Variants in BLTP1 observed in about 807,000 individuals in gnomAD.
BLTP1 encodes bridge-like lipid transfer protein family member 1, also known as fragile site-associated protein.
At chr4:122,362,012 AC>A in the BLTP1 span, 1 of 1,561,050 alleles carries the variant, frequency 6.4e-7, no homozygotes, top group Non-Finnish European at 8.8e-7. Flanking sequence ...CTTAATAATA[AC>A]TGTAATTTTT....
the BLTP1 span, chr4:122,247,916 G>A: frequency 2.0e-6 from 2 of 980,872 alleles, no homozygotes; most frequent in Non-Finnish European, 2.4e-6. Context: ...TTTTCAGAAT[G>A]TCAGAGATTC....
At chr4:122,302,226 G>A in the BLTP1 span, 7 of 970,610 alleles carry the variant, frequency 7.2e-6, no homozygotes, top group Non-Finnish European at 8.6e-6. Flanking sequence ...AACATAATGG[G>A]AAAAAATTGC....
the BLTP1 span, among the ~76,000 whole-genome samples, chr4:122,279,128 C>G: frequency 2.0e-5 from 3 of 152,318 alleles, no homozygotes; most frequent in African/African-American, 7.2e-5. Flanking sequence ...TGGAGTTGAT[C>G]TGGGAGCAAT....
the BLTP1 span, chr4:122,198,188 G>T: frequency 1.0e-6 from 1 of 972,766 alleles, no homozygotes; most frequent in Non-Finnish European, 1.2e-6. Flanking sequence ...AAAAGTGACT[G>T]TGAATGGCAT....
chr4:122,231,972 G>A, the BLTP1 span: 4 of 810,058 alleles, frequency 4.9e-6, no homozygotes, highest in East Asian at 5.0e-4. Flanking sequence ...AAAATAAATT[G>A]GATTTCTTTG....
At chr4:122,244,601 T>C in the BLTP1 span, 18 of 961,828 alleles carry the variant, frequency 1.9e-5, no homozygotes, top group African/African-American at 3.0e-4. Context: ...TGGAACATAA[T>C]GGAAGTGGTG....
the BLTP1 span, chr4:122,277,633 G>A: frequency 1.0e-6 from 1 of 956,626 alleles, no homozygotes; most frequent in African/African-American, 1.8e-5. Context: ...CTTAATAAAA[G>A]TAATAGCCTT....
the BLTP1 span, chr4:122,301,201 T>C: frequency 1.5e-6 from 2 of 1,348,512 alleles, no homozygotes; most frequent in Non-Finnish European, 2.0e-6. Context: ...CAGTGGTCAG[T>C]AAAAAGAAAA....
At chr4:122,246,229 G>A in the BLTP1 span, 1 of 1,607,704 alleles carries the variant, frequency 6.2e-7, no homozygotes, top group Non-Finnish European at 8.5e-7. Context: ...GACAAGCACA[G>A]ACAAATCTTA....
chr4:122,312,967 G>A, the BLTP1 span: 1 of 734,468 alleles, frequency 1.4e-6, no homozygotes, highest in Non-Finnish European at 1.7e-6. Flanking sequence ...TTGTTTAAAA[G>A]TTGTTTCAAC....
At chr4:122,246,159 C>T in the BLTP1 span, 32 of 1,572,016 alleles carry the variant, frequency 2.0e-5, no homozygotes, top group Non-Finnish European at 2.5e-5. Context: ...TAGTTATCTT[C>T]CAAACAAGAC....
At chr4:122,254,861 T>A in the BLTP1 span, 2 of 1,613,844 alleles carry the variant, frequency 1.2e-6, no homozygotes, top group South Asian at 1.1e-5. Context: ...CTTGTTCCCA[T>A]TGACCAACTC....
chr4:122,203,539 T>G, the BLTP1 span, among the ~76,000 whole-genome samples: 1 of 151,830 alleles, frequency 6.6e-6, no homozygotes, highest in South Asian at 2.1e-4. Flanking sequence ...TTTTAATTCA[T>G]TGTACAAATG....
the BLTP1 span, chr4:122,282,202 A>C: frequency 4.7e-5 from 19 of 402,410 alleles, no homozygotes; most frequent in East Asian, 1.6e-4. Flanking sequence ...ATCCTATCTC[A>C]AAATTCCTTG....
the BLTP1 span, chr4:122,152,355 G>A: frequency 7.6e-5 from 75 of 985,874 alleles, no homozygotes; most frequent in Non-Finnish European, 8.4e-5. Flanking sequence ...CCTCGGTTGG[G>A]ACCCCTCCCC....
chr4:122,211,395 A>T, the BLTP1 span, among the ~76,000 whole-genome samples: 2 of 151,580 alleles, frequency 1.3e-5, no homozygotes, highest in Non-Finnish European at 3.0e-5. Context: ...GATAGCTAGG[A>T]TAGACAGATA....
At chr4:122,170,569 A>G in the BLTP1 span, 186 of 1,442,136 alleles carry the variant, frequency 1.3e-4, 2 homozygotes, top group South Asian at 2.1e-3. Context: ...TTCTGTTGCA[A>G]TTTTATAAAT....
the BLTP1 span, chr4:122,315,792 A>G: frequency 3.0e-6 from 3 of 993,200 alleles, no homozygotes; most frequent in South Asian, 4.6e-5. Context: ...CTATTTGTGG[A>G]GGAAGAGAAG....
At chr4:122,197,913 T>G in the BLTP1 span, 1 of 936,652 alleles carries the variant, frequency 1.1e-6, no homozygotes, top group African/African-American at 1.8e-5. Flanking sequence ...CATTTTGCCT[T>G]GTAATTGAGA....
Sources: allele counts gnomAD v4.1 joint callset (sites outside exome capture counted in the v4.1 genomes callset), GRCh38; gene constraint gnomAD v4.1.1; transcripts MANE v1.5; gene names NCBI Gene and HGNC (gene_info 2026-07-23, HGNC 2026-07-21).